The following ASCC1 variants were observed in gnomAD, a reference collection of about 807,000 sequenced individuals.
The protein encoded by ASCC1 is ASC-1 complex subunit P50.
In ASCC1, 35 loss-of-function variants were observed where a neutral mutation model predicts 46.6. That is an observed-to-expected ratio of 0.75 (90% confidence interval 0.57 to 0.99). The LOEUF is 0.99. ASCC1 is among the 50% of genes least tolerant of loss of function. The pLI is 0.00. For synonymous variants in ASCC1, 143 were observed against 146.6 expected (o/e 0.98, Z 0.18); for missense variants, 376 against 428.7 (o/e 0.88, Z 1.09).
chr10:72,192,594 A>G (rs1305402567), intron 5 of ASCC1, among the ~76,000 whole-genome samples: 2 of 152,214 alleles, frequency 1.3e-5, no homozygotes, highest in Non-Finnish European at 1.5e-5. Flanking sequence ...CCTGGGATCC[A>G]GTGATTCTCG....
intron 4 of ASCC1, among the ~76,000 whole-genome samples, chr10:72,201,744 C>A (rs1044513025): frequency 2.6e-5 from 4 of 152,060 alleles, no homozygotes; most frequent in African/African-American, 9.7e-5. Flanking sequence ...TCAAGACCAG[C>A]CTGAGCAATG....
intron 5 of ASCC1, 134 bp downstream of exon 5, chr10:72,196,677 A>G: frequency 4.5e-6 from 4 of 888,184 alleles, no homozygotes; most frequent in Non-Finnish European, 7.0e-6. Context: ...TCAATATAAG[A>G]AGCCAAAAGA....
chr10:72,148,125 GTT>G (rs200290473), intron 7 of ASCC1, among the ~76,000 whole-genome samples: 1 of 151,746 alleles, frequency 6.6e-6, no homozygotes, highest in African/African-American at 2.4e-5. Flanking sequence ...ATATTTACAG[GTT>G]TTTTTTAAGT....
At chr10:72,139,079 T>C (rs1277427137) in intron 7 of ASCC1, among the ~76,000 whole-genome samples, 6 of 152,102 alleles carry the variant, frequency 3.9e-5, no homozygotes, top group Non-Finnish European at 7.4e-5. Flanking sequence ...AAATTTCAGG[T>C]TGACAATATG....
chr10:72,203,216 G>T (rs951963707), intron 4 of ASCC1, among the ~76,000 whole-genome samples: 1 of 150,320 alleles, frequency 6.7e-6, no homozygotes, highest in African/African-American at 2.5e-5. Context: ...ATTCCGGGAG[G>T]CGGAGGTTGC....
At chr10:72,149,128 C>G (rs1260402548) in intron 7 of ASCC1, among the ~76,000 whole-genome samples, 1 of 151,636 alleles carries the variant, frequency 6.6e-6, no homozygotes, top group Non-Finnish European at 1.5e-5. Flanking sequence ...AATAGTGTTA[C>G]TTTTCAGTTA....
At chr10:72,130,444 G>T (rs949997205) in intron 8 of ASCC1, among the ~76,000 whole-genome samples, 1 of 152,098 alleles carries the variant, frequency 6.6e-6, no homozygotes, top group African/African-American at 2.4e-5. Flanking sequence ...GGGATAACTA[G>T]ACTGTAAACA....
chr10:72,124,674 A>T (rs1455414174), intron 9 of ASCC1, among the ~76,000 whole-genome samples: 1 of 146,462 alleles, frequency 6.8e-6, no homozygotes, highest in East Asian at 2.1e-4. Flanking sequence ...GGTCAGCATG[A>T]TTTCTCCAAT....
intron 9 of ASCC1, among the ~76,000 whole-genome samples, chr10:72,105,430 C>A (rs1842239811): frequency 6.6e-6 from 1 of 152,204 alleles, no homozygotes. Context: ...AGGGGTTGAG[C>A]ACAGAGAGCC....
intron 7 of ASCC1, among the ~76,000 whole-genome samples, chr10:72,148,985 T>C (rs1371243271): frequency 2.6e-5 from 4 of 152,204 alleles, no homozygotes; most frequent in Non-Finnish European, 1.5e-5. Context: ...TTTTCTCATA[T>C]ACTTCAATCA....
intron 7 of ASCC1, among the ~76,000 whole-genome samples, chr10:72,151,832 G>C (rs147714516): frequency 0.032 from 4,918 of 151,634 alleles, 221 homozygotes; most frequent in African/African-American, 0.096. Flanking sequence ...GGGACTACAG[G>C]AGCATGCCAC....
chr10:72,153,971 T>C (rs1848666648), intron 6 of ASCC1, among the ~76,000 whole-genome samples: 1 of 152,206 alleles, frequency 6.6e-6, no homozygotes, highest in African/African-American at 2.4e-5. Flanking sequence ...TCCTCCCGCC[T>C]TGGCCTCCCA....
chr10:72,104,037 AC>A (rs1374584508), intron 9 of ASCC1, among the ~76,000 whole-genome samples: 3 of 152,186 alleles, frequency 2.0e-5, no homozygotes, highest in Admixed American at 6.5e-5. Context: ...GACTTTTGTT[AC>A]AGGGGCCTCA....
intron 5 of ASCC1, among the ~76,000 whole-genome samples, chr10:72,185,188 G>C (rs988390357): frequency 6.6e-6 from 1 of 152,160 alleles, no homozygotes; most frequent in African/African-American, 2.4e-5. Context: ...CAGTGTAAAA[G>C]GGCACAACCA....
At chr10:72,216,514 A>ATTTGGTT (rs1272269521), upstream of ASCC1, among the ~76,000 whole-genome samples, 5 of 111,524 alleles carry the variant, frequency 4.5e-5, no homozygotes, top group Non-Finnish European at 9.0e-5. Context: ...TGCGGCATCT[A>ATTTGGTT]TTTGGTTTGG....
intron 9 of ASCC1, among the ~76,000 whole-genome samples, chr10:72,113,014 A>G (rs1293376885): frequency 2.6e-5 from 4 of 152,228 alleles, no homozygotes; most frequent in South Asian, 2.1e-4. Context: ...TATTTTCTAC[A>G]GTAAGAACAG....
intron 5 of ASCC1, among the ~76,000 whole-genome samples, chr10:72,168,743 G>C (rs1437192575): frequency 6.6e-6 from 1 of 152,194 alleles, no homozygotes; most frequent in African/African-American, 2.4e-5. Context: ...CCATGAGTGA[G>C]AAAGCACAGA....
chr10:72,201,774 C>CA (rs1856535442), intron 4 of ASCC1, among the ~76,000 whole-genome samples: 1 of 151,828 alleles, frequency 6.6e-6, no homozygotes, highest in Admixed American at 6.6e-5. Context: ...CTTGTCTCTA[C>CA]AAAAAATACA....
intron 7 of ASCC1, among the ~76,000 whole-genome samples, chr10:72,151,999 T>C (rs1164957043): frequency 6.6e-6 from 1 of 150,564 alleles, no homozygotes; most frequent in African/African-American, 2.4e-5. Flanking sequence ...AATATTTTTT[T>C]TTTTTTTTTT....
Sources: allele counts gnomAD v4.1 joint callset (sites outside exome capture counted in the v4.1 genomes callset), GRCh38; gene constraint gnomAD v4.1.1; transcripts MANE v1.5; gene names NCBI Gene and HGNC (gene_info 2026-07-23, HGNC 2026-07-21).